EPHB2: variants seen among roughly 807,000 people sequenced by gnomAD.
EPHB2 encodes EPH receptor B2.
A neutral mutation model predicts 96.4 loss-of-function variants in EPHB2; 18 were observed. The ratio of observed to expected loss-of-function variants is 0.19; its 90% confidence interval spans 0.13 to 0.28. EPHB2 has a LOEUF of 0.28. Ranked by LOEUF, EPHB2 falls within the 10% of genes least tolerant of loss-of-function variation. The pLI, the probability that EPHB2 is intolerant of heterozygous loss-of-function variation, is 1.00. For missense variants in EPHB2, 989 were observed against 1,355.4 expected, an observed-to-expected ratio of 0.73 and a Z score of 4.25; for synonymous variants, 506 against 534.1, an observed-to-expected ratio of 0.95 and a Z score of 0.72.
chr1:22,771,943 T>C (rs961198322), intron 1 of EPHB2, among the ~76,000 whole-genome samples: 4 of 152,040 alleles, frequency 2.6e-5, no homozygotes, highest in Non-Finnish European at 5.9e-5. Context: ...ATGGGACCAG[T>C]AGCAGGCGTC....
chr1:22,789,286 T>C (rs900278196), intron 3 of EPHB2, among the ~76,000 whole-genome samples: 1 of 152,234 alleles, frequency 6.6e-6, no homozygotes, highest in Non-Finnish European at 1.5e-5. Context: ...TATTGAGATA[T>C]AATTTAATAG....
chr1:22,812,198 C>A lies in EPHB2; in HGVS notation c.811+27122C>A, dbSNP rs548980984. Reference sequence around the variant, plus strand: ...GATGAAATTGTAGTGAATGTAGGCACCACCAGTCATACCCCACTTGTCCTG... The same window carrying A: ...GATGAAATTGTAGTGAATGTAGGCAACACCAGTCATACCCCACTTGTCCTG... On this transcript the variant is annotated intron_variant, in intron 3 of 15. Transcript: ENST00000374630. Among the ~76,000 whole-genome samples, 62 of 152,306 alleles carry A rather than the reference C, an allele frequency of 4.1e-4. No individual in the cohort carries two copies. The Middle Eastern group carries it at 0.017, about 42-fold the overall frequency.
intron 3 of EPHB2, among the ~76,000 whole-genome samples, chr1:22,804,352 A>G (rs1381353428): frequency 6.6e-6 from 1 of 152,130 alleles, no homozygotes; most frequent in Admixed American, 6.5e-5. Context: ...TTTAAGGAAA[A>G]AATCTGCACC....
At chr1:22,735,278 A>AT (rs1278834266) in intron 1 of EPHB2, among the ~76,000 whole-genome samples, 1 of 151,278 alleles carries the variant, frequency 6.6e-6, no homozygotes, top group Non-Finnish European at 1.5e-5. Flanking sequence ...TCTCTACTAA[A>AT]TTTTTTTTTA....
chr1:22,818,783 A>G (rs537658351), intron 3 of EPHB2, among the ~76,000 whole-genome samples: 1 of 152,194 alleles, frequency 6.6e-6, no homozygotes, highest in East Asian at 1.9e-4. Flanking sequence ...GTCACCTCCA[A>G]GAATCTTCCC....
chr1:22,905,710 C>T (rs1639889683), intron 9 of EPHB2, among the ~76,000 whole-genome samples: 1 of 152,202 alleles, frequency 6.6e-6, no homozygotes, highest in Non-Finnish European at 1.5e-5. Flanking sequence ...ACAGTCTCAG[C>T]TGCTCCAGAA....
intron 1 of EPHB2, among the ~76,000 whole-genome samples, chr1:22,758,936 G>GATGA (rs1309643639): frequency 6.3e-4 from 95 of 150,518 alleles, no homozygotes; most frequent in African/African-American, 2.1e-3. Context: ...TGGGTGGGTG[G>GATGA]ATGAATGGAT....
At chr1:22,888,018 G>T (rs1639279273) in intron 6 of EPHB2, among the ~76,000 whole-genome samples, 1 of 152,034 alleles carries the variant, frequency 6.6e-6, no homozygotes. Flanking sequence ...ACTCTATAAT[G>T]GTTTTTTTGT....
intron 1 of EPHB2, among the ~76,000 whole-genome samples, chr1:22,711,412 CGG>C (rs1643138251): frequency 6.8e-6 from 1 of 146,640 alleles, no homozygotes; most frequent in Non-Finnish European, 1.5e-5. Context: ...GGCGCGGGCC[CGG>C]CCGTGGCGGG....
chr1:22,884,920 T>C (rs915380404), intron 6 of EPHB2, among the ~76,000 whole-genome samples: 1 of 152,206 alleles, frequency 6.6e-6, no homozygotes, highest in Non-Finnish European at 1.5e-5. Flanking sequence ...TTACTACCTC[T>C]ACATTGAGCT....
chr1:22,878,741 G>A (rs1638927305), intron 5 of EPHB2, among the ~76,000 whole-genome samples: 1 of 152,238 alleles, frequency 6.6e-6, no homozygotes, highest in Admixed American at 6.5e-5. Flanking sequence ...ATACGGGTCT[G>A]TTGGACTCCA....
intron 1 of EPHB2, among the ~76,000 whole-genome samples, chr1:22,730,893 G>A (rs1040144984): frequency 6.6e-6 from 1 of 152,078 alleles, no homozygotes; most frequent in Non-Finnish European, 1.5e-5. Flanking sequence ...AGAGAGTGAG[G>A]GACAGAGCAG....
intron 6 of EPHB2, among the ~76,000 whole-genome samples, chr1:22,890,643 G>A (rs908672979): frequency 4.6e-5 from 7 of 152,024 alleles, no homozygotes; most frequent in African/African-American, 7.2e-5. Flanking sequence ...CTGTGTCCCC[G>A]CCCAAATCTC....
intron 3 of EPHB2, among the ~76,000 whole-genome samples, 157 bp from the exon 4 acceptor site, chr1:22,862,880 T>C (rs1394766787): frequency 6.6e-6 from 1 of 152,190 alleles, no homozygotes; most frequent in East Asian, 1.9e-4. Context: ...CGTTGGGGCC[T>C]GGAGACTTCA....
chr1:22,897,742 G>A (rs185145568), intron 9 of EPHB2, among the ~76,000 whole-genome samples: 3 of 151,994 alleles, frequency 2.0e-5, no homozygotes, highest in East Asian at 1.9e-4. Flanking sequence ...AGCAGAGATC[G>A]TGCCACTGCA....
At chr1:22,869,406 A>G (rs1638586135) in intron 5 of EPHB2, among the ~76,000 whole-genome samples, 1 of 152,082 alleles carries the variant, frequency 6.6e-6, no homozygotes, top group East Asian at 1.9e-4. Context: ...CCTACATACA[A>G]GATGGCATGG....
intron 3 of EPHB2, among the ~76,000 whole-genome samples, chr1:22,811,885 A>T (rs1645007614): frequency 6.6e-6 from 1 of 152,212 alleles, no homozygotes; most frequent in Non-Finnish European, 1.5e-5. Context: ...CACAAAATTT[A>T]AAAACCAGAC....
At chr1:22,786,746 G>T (rs1024805228) in intron 3 of EPHB2, among the ~76,000 whole-genome samples, 1 of 152,208 alleles carries the variant, frequency 6.6e-6, no homozygotes, top group Non-Finnish European at 1.5e-5. Context: ...TTTTGCCAAT[G>T]AAAGGGATAG....
At chr1:22,899,049 C>T (rs1237307687) in intron 9 of EPHB2, among the ~76,000 whole-genome samples, 8 of 151,816 alleles carry the variant, frequency 5.3e-5, no homozygotes, top group African/African-American at 1.2e-4. Flanking sequence ...CAAAATTAGC[C>T]GGGTGTGGTG....
Sources: allele counts gnomAD v4.1 joint callset (sites outside exome capture counted in the v4.1 genomes callset), GRCh38; gene constraint gnomAD v4.1.1; transcripts MANE v1.5; gene names NCBI Gene and HGNC (gene_info 2026-07-23, HGNC 2026-07-21).